TNRC18: variants seen among roughly 807,000 people sequenced by gnomAD.
The protein encoded by TNRC18 is trinucleotide repeat containing 18.
A neutral mutation model predicts 226.7 loss-of-function variants in TNRC18; 69 were observed. The observed-to-expected ratio is 0.30, with a 90% CI of 0.25 to 0.37. The LOEUF is 0.37. Among genes scored for constraint, TNRC18 ranks in the 10% least tolerant of loss-of-function variants. The pLI is 1.00. For synonymous variants in TNRC18, 2,449 were observed against 1,927.6 expected (o/e 1.27, Z -7.09); for missense variants, 4,754 against 4,256.6 (o/e 1.12, Z -3.25).
chr7:5,331,836 A>G (rs1297770341), intron 19 of TNRC18, among the ~76,000 whole-genome samples: 2 of 152,116 alleles, frequency 1.3e-5, no homozygotes, highest in African/African-American at 2.4e-5. Flanking sequence ...CTTGAGCCCA[A>G]GAGTTCAAGG....
In TNRC18 at chr7:5,307,360, C is replaced by G. The variant is rs1786648099; in HGVS notation, c.*746G>C. On this transcript the variant is annotated 3_prime_UTR_variant, in exon 30 of 30. Coordinates refer to ENST00000430969, the MANE Select transcript of TNRC18 (RefSeq NM_001080495.3). ...GGGCGAGTCTCTTGGTACAATAAAA[C>G]TGTACAGGTTAAGAAGTGCCACCTC... 4.5e-6 allele frequency: 1 copy of G among 221,914 alleles called. No homozygotes were observed. The highest frequency in any genetic ancestry group is 9.4e-6 in the Non-Finnish European group (1 of 105,870). The allele number at this position is 221,914 out of a possible 1,614,324, so 13.7% of individuals were successfully genotyped here. A position where few individuals can be genotyped will look rare whatever the true frequency, so the allele number is the denominator to read the frequency against.
At chr7:5,345,973 C>T (rs890502300) in intron 17 of TNRC18, among the ~76,000 whole-genome samples, 163 bp from the exon 18 acceptor site, 3 of 152,184 alleles carry the variant, frequency 2.0e-5, no homozygotes, top group Admixed American at 1.3e-4. Flanking sequence ...GGGTTCCCCC[C>T]ATCCGATGGC....
At chr7:5,366,316 A>ATTTTTT (rs1793615937) in intron 11 of TNRC18, among the ~76,000 whole-genome samples, 1 of 53,686 alleles carries the variant, frequency 1.9e-5, no homozygotes, top group African/African-American at 1.1e-4. Flanking sequence ...CTCTTCTTAT[A>ATTTTTT]TCTTTTTTTT....
At chr7:5,373,300 G>T (rs555827227) in intron 10 of TNRC18, among the ~76,000 whole-genome samples, 2 of 152,162 alleles carry the variant, frequency 1.3e-5, no homozygotes, top group Non-Finnish European at 2.9e-5. Flanking sequence ...GTACAAGCTG[G>T]GGCAACAGAG....
intron 5 of TNRC18, among the ~76,000 whole-genome samples, chr7:5,383,420 G>A (rs1447747807): frequency 2.6e-5 from 4 of 152,172 alleles, no homozygotes; most frequent in African/African-American, 9.7e-5. Flanking sequence ...ATGAGAGAGA[G>A]GCGTTTATAA....
chr7:5,422,858 T>A (rs1287238490), intron 1 of TNRC18: 1 of 152,194 alleles, frequency 6.6e-6, no homozygotes, highest in Non-Finnish European at 1.5e-5. Flanking sequence ...AGGATACATG[T>A]CTTAAGGAGG....
At chr7:5,411,338 G>T (rs999086943) in intron 2 of TNRC18, among the ~76,000 whole-genome samples, 9 of 151,516 alleles carry the variant, frequency 5.9e-5, no homozygotes, top group African/African-American at 2.2e-4. Context: ...TATGGAAGGT[G>T]ATGTTGCAAT....
rs749206846 is a variant in TNRC18, at chr7:5,362,794, G to T, written c.4251C>A (p.Ser1417=). ...TGCCAGCTGCCAGCAGACTCTCCAG[G>T]GAGGGCCGCGCCACCAGGGCCCGCT... ...GAERALVARP[S]LESLLAAGSH... Residue 1417 remains serine, a synonymous_variant, in exon 12 of 30, where the codon TCC becomes TCA. Transcript: ENST00000430969. The T allele has an allele frequency of 7.7e-6, 12 of 1,568,620 alleles. No individual in the cohort carries two copies. In the African/African-American group the frequency reaches 1.2e-4, roughly 16 times the overall value.
At position 5,325,254 on chromosome 7, in the gene TNRC18, G is replaced by A. The variant is rs183097589; in HGVS notation, c.6148-6C>T. 7 of 1,549,984 alleles carry A rather than the reference G, an allele frequency of 4.5e-6. No homozygotes were observed. Among genetic ancestry groups the A allele is most frequent in the Non-Finnish European group, 4.3e-6 (5 of 1,153,756 alleles). ...GCCTCTTTCCCTTTCTTCTTCTGGAGGAGGAAGCAGCAGAGAGGAGCCATC... is the reference window on the plus strand; with the variant it reads ...GCCTCTTTCCCTTTCTTCTTCTGGAAGAGGAAGCAGCAGAGAGGAGCCATC... On this transcript the variant is annotated splice_polypyrimidine_tract_variant and splice_region_variant and intron_variant, in intron 19 of 29. Transcript: ENST00000430969.
intron 19 of TNRC18, among the ~76,000 whole-genome samples, chr7:5,326,473 C>G (rs1788921168): frequency 6.6e-6 from 1 of 152,132 alleles, no homozygotes; most frequent in Non-Finnish European, 1.5e-5. Context: ...GAGACAGGGT[C>G]TGGCTGTGTT....
intron 2 of TNRC18, among the ~76,000 whole-genome samples, chr7:5,410,765 C>T (rs1781785961): frequency 6.9e-6 from 1 of 145,026 alleles, no homozygotes; most frequent in South Asian, 2.2e-4. Context: ...ACTTGGAAGG[C>T]TGAGGCTTCA....
Position 5,332,827 on chromosome 7 carries a change from C to A in TNRC18, c.5942G>T (p.Gly1981Val). 6.6e-7 allele frequency: 1 copy of A among 1,508,826 alleles called. No individual in the cohort carries two copies. The highest frequency in any genetic ancestry group is 8.8e-7 in the Non-Finnish European group (1 of 1,137,668). The allele number at this position is 1,508,826 out of a possible 1,614,324, so 93.5% of individuals were successfully genotyped here. A position where few individuals can be genotyped will look rare whatever the true frequency, so the allele number is the denominator to read the frequency against. ...ARKLRGPKEP[G>V]FEAGPEASDD... The stretch of plus-strand genomic sequence containing the variant: ...GCTGGCCTCGGGCCCCGCCTCGAAG[C>A]CAGGCTCCTTGGGGCCCCGCAGCTT... Residue 1981 changes from glycine to valine, a missense_variant, in exon 19 of 30, where the codon GGC becomes GTC. Physicochemically the swap from Gly to Val is moderately radical, Grantham distance 109 (BLOSUM62 -3). Coordinates refer to ENST00000430969, the MANE Select transcript of TNRC18 (RefSeq NM_001080495.3).
Position 5,377,830 on chromosome 7 carries a change from G to T in TNRC18, c.2255+92C>A. On this transcript the variant is annotated intron_variant, in intron 6 of 29. Transcript: ENST00000430969. The surrounding 1 kb of genome is among the most constrained non-coding windows in gnomAD (Gnocchi z 5.8). ...CAGTACCATAGCATCCATGGTCGAG[G>T]GGCCAAGCCCACCTGGGGTCATCCA... is the stretch of plus-strand genomic sequence containing the variant. 1 of 1,311,228 alleles carries T rather than the reference G, an allele frequency of 7.6e-7. No individual in the cohort carries two copies. The highest frequency in any genetic ancestry group is 1.1e-6 in the Non-Finnish European group (1 of 925,756). 81.2% of individuals were successfully genotyped at this position (1,311,228 alleles called of 1,614,324 possible).
At position 5,370,908 on chromosome 7, in the gene TNRC18, C is replaced by A. The variant is rs771867584; in HGVS notation, c.3686G>T (p.Arg1229Leu). The A allele has an allele frequency of 5.0e-6, 8 of 1,605,902 alleles. No homozygotes were observed. The South Asian group carries it at 8.8e-5, about 18-fold the overall frequency. The change falls in exon 11 of 30, where the codon CGG becomes CTG. Residue 1229 changes from arginine (R) to leucine (L), a missense_variant. Transcript: ENST00000430969. The part of the protein sequence containing the change: ...CPDFVEGPEP[R>L]VDSPGRTEPC... ...TTCTGTCCGGCCCGGGGAATCCACC[C>A]GTGGTTCAGGCCCCTCCACAAAGTC...
At chr7:5,404,722 T>A (rs1005259010) in intron 2 of TNRC18, among the ~76,000 whole-genome samples, 1 of 151,730 alleles carries the variant, frequency 6.6e-6, no homozygotes, top group Non-Finnish European at 1.5e-5. Context: ...AGATTCCATA[T>A]GCAATCCCCA....
chr7:5,311,973 T>C (rs1344100242), intron 27 of TNRC18, among the ~76,000 whole-genome samples: 1 of 150,424 alleles, frequency 6.6e-6, no homozygotes, highest in Non-Finnish European at 1.5e-5. Flanking sequence ...CCATCTCTAC[T>C]GAAAATACAA....
intron 27 of TNRC18, among the ~76,000 whole-genome samples, chr7:5,310,614 A>T (rs919415146): frequency 1.4e-4 from 21 of 151,860 alleles, no homozygotes; most frequent in African/African-American, 4.8e-4. Flanking sequence ...AGCTCACTGC[A>T]GCCTTGACCT....
At chr7:5,337,792 G>A (rs1270497425) in intron 18 of TNRC18, among the ~76,000 whole-genome samples, 1 of 152,068 alleles carries the variant, frequency 6.6e-6, no homozygotes, top group East Asian at 1.9e-4. Context: ...AGACCAGCCT[G>A]GCCAAGATGG....
chr7:5,347,188 A>ATT (rs879502491), intron 17 of TNRC18, among the ~76,000 whole-genome samples: 59 of 143,906 alleles, frequency 4.1e-4, no homozygotes, highest in Middle Eastern at 3.6e-3. Context: ...CAAAAAAAAA[A>ATT]ATTTTTTTTT....
Sources: allele counts gnomAD v4.1 joint callset (sites outside exome capture counted in the v4.1 genomes callset), GRCh38; gene constraint gnomAD v4.1.1; non-coding constraint Gnocchi (gnomAD v3.1); transcripts MANE v1.5; gene names NCBI Gene and HGNC (gene_info 2026-07-23, HGNC 2026-07-21).